ZBTB5: variants seen among roughly 807,000 people sequenced by gnomAD.
ZBTB5 encodes zinc finger and BTB domain-containing protein 5.
In ZBTB5, 15 loss-of-function variants were observed where a neutral mutation model predicts 37.9. The observed-to-expected ratio is 0.40, with a 90% CI of 0.26 to 0.61. ZBTB5 has a LOEUF of 0.61. Among genes scored for constraint, ZBTB5 ranks in the 20% least tolerant of loss-of-function variants. The probability of loss-of-function intolerance (pLI) is 0.47; values close to 1 mark genes in which losing one functional copy is unlikely to be tolerated. For missense variants in ZBTB5, 708 were observed against 856.8 expected (o/e 0.83, Z 2.17); for synonymous variants, 315 against 312.4 (o/e 1.01, Z -0.09).
chr9:37,443,517 A>G (rs1183033453), intron 1 of ZBTB5, among the ~76,000 whole-genome samples: 4 of 152,174 alleles, frequency 2.6e-5, no homozygotes, highest in Non-Finnish European at 5.9e-5. Flanking sequence ...ACAACCTAAC[A>G]TATATAAATC....
rs192330575 is a variant in ZBTB5, at chr9:37,444,475, C to T, written c.-4-1920G>A. ...CTGGCATCCCAAAGTGCTGGGATTA[C>T]AGGCATGAGCCACTGCGCCCGGCCA... is the stretch of plus-strand genomic sequence containing the variant. On this transcript the variant is annotated intron_variant, in intron 1 of 1. Coordinates refer to ENST00000307750, the MANE Select transcript of ZBTB5 (RefSeq NM_014872.3). 2.0e-5 allele frequency among the ~76,000 whole-genome samples: 3 copies of T among 152,308 alleles called. No individual in the cohort carries two copies. In the East Asian group the frequency reaches 5.8e-4, roughly 29 times the overall value.
chr9:37,458,524 G>GA (rs1353564209), intron 1 of ZBTB5, among the ~76,000 whole-genome samples: 2 of 152,174 alleles, frequency 1.3e-5, no homozygotes, highest in South Asian at 2.1e-4. Context: ...AAAAATGAAT[G>GA]AAACAAGCCT....
At chr9:37,463,733 G>C (rs1283681535) in intron 1 of ZBTB5, among the ~76,000 whole-genome samples, 3 of 152,114 alleles carry the variant, frequency 2.0e-5, no homozygotes, top group Non-Finnish European at 4.4e-5. Flanking sequence ...TTCTGCTAGA[G>C]ACATATCAAT....
rs1216697843 is a variant in ZBTB5, at chr9:37,441,348, C to G, written c.1204G>C (p.Glu402Gln). ...GAAATACTAAAAGTGGACTTATGCTCTAGGTTATTTGTGACTTCCAAAATA... is the reference window on the plus strand; with the variant it reads ...GAAATACTAAAAGTGGACTTATGCTGTAGGTTATTTGTGACTTCCAAAATA... ...IHILEVTNNL[E>Q]HKSTFSISNF... The change falls in exon 2 of 2, where the codon GAG becomes CAG. Residue 402 changes from glutamate (E) to glutamine (Q), a missense_variant. By Grantham distance (29) the Glu-to-Gln change is conservative. Around this residue, in one of 3 missense-constraint regions of ZBTB5, gnomAD observed 639 missense variants for 690.5 expected, o/e 0.93. Transcript: ENST00000307750. 1 of 1,614,138 alleles carries G rather than the reference C, an allele frequency of 6.2e-7. No homozygotes were observed. The highest frequency in any genetic ancestry group is 8.5e-7 in the Non-Finnish European group (1 of 1,180,034).
chr9:37,460,420 A>G (rs987371688), intron 1 of ZBTB5, among the ~76,000 whole-genome samples: 1 of 151,978 alleles, frequency 6.6e-6, no homozygotes, highest in Admixed American at 6.6e-5. Flanking sequence ...AGCCTGGGCA[A>G]TAAGAGTGAA....
chr9:37,457,450 G>A (rs946988491), intron 1 of ZBTB5, among the ~76,000 whole-genome samples: 1 of 152,216 alleles, frequency 6.6e-6, no homozygotes, highest in Middle Eastern at 3.4e-3. Context: ...GGCTGGTCTC[G>A]AACTCCTGGG....
Position 37,441,653 on chromosome 9 carries a change from T to C in ZBTB5, c.899A>G (p.Asp300Gly), listed in dbSNP as rs17502738. The C allele has an allele frequency of 0.18, 284,685 of 1,613,466 alleles. 27,129 individuals are homozygous for C. The highest frequency in any genetic ancestry group is 0.23 in the Middle Eastern group (1,417 of 6,060). ...ACTTTTCTCAGGTGCAGCTTCCTGA[T>C]CAAAACTAGTCTCAACCTGAGTTGC... ...SRATQVETSF[D>G]QEAAPEKSSF... The change falls in exon 2 of 2, where the codon GAT becomes GGT. Residue 300 changes from aspartate (D) to glycine (G), a missense_variant. Around this residue, in one of 3 missense-constraint regions of ZBTB5, gnomAD observed 639 missense variants for 690.5 expected, o/e 0.93. Coordinates refer to ENST00000307750, the MANE Select transcript of ZBTB5 (RefSeq NM_014872.3).
chr9:37,445,465 G>C (rs2182744), intron 1 of ZBTB5, among the ~76,000 whole-genome samples: 131,758 of 151,734 alleles, frequency 0.87, 57,546 homozygotes, highest in East Asian at 0.92. Context: ...GGCAACATGG[G>C]GCAAAACCCC....
intron 1 of ZBTB5, among the ~76,000 whole-genome samples, chr9:37,443,783 T>G (rs1823927714): frequency 6.6e-6 from 1 of 151,706 alleles, no homozygotes; most frequent in African/African-American, 2.4e-5. Context: ...ATACAAAAAA[T>G]TAGCCGGGCA....
intron 1 of ZBTB5, among the ~76,000 whole-genome samples, chr9:37,459,917 A>C (rs1368378375): frequency 6.6e-6 from 1 of 151,486 alleles, no homozygotes; most frequent in Non-Finnish European, 1.5e-5. Context: ...TCACCTTGTT[A>C]GTCAGGATGG....
At position 37,441,414 on chromosome 9, in the gene ZBTB5, A is replaced by C; in HGVS notation, c.1138T>G (p.Ser380Ala). 6.2e-7 allele frequency: 1 copy of C among 1,613,862 alleles called. No individual in the cohort carries two copies. ...CTGTCTGTGCTAGACTGGGGATCTG[A>C]AAAACTCCGATCACTGCTTTCAGGG... ...LSPESSDRSF[S>A]DPQSSTDRVG... is the part of the protein sequence containing the mutation. The change falls in exon 2 of 2, where the codon TCA (serine) becomes GCA (alanine). Residue 380 changes from serine to alanine, a missense_variant. Ser to Ala is a moderately conservative substitution (Grantham distance 99). Transcript: ENST00000307750.
rs1823899005 is a variant in ZBTB5 at position 37,442,233 on chromosome 9, G to A, written c.319C>T (p.His107Tyr). The change falls in exon 2 of 2, where the codon CAT (histidine) becomes TAT (tyrosine). Residue 107 changes from histidine (H) to tyrosine (Y), a missense_variant. By Grantham distance (83) the His-to-Tyr change is moderately conservative (BLOSUM62 2). Transcript: ENST00000307750. ...MDVLLAASHL[H>Y]LNSVVKACKH... ...CATGCCTTAACAACAGAGTTCAAAT[G>A]CAGGTGAGAGGCTGCCAATAAGACA... The A allele has an allele frequency of 6.2e-7, 1 of 1,614,128 alleles. No homozygotes were observed. Among genetic ancestry groups the A allele is most frequent in the African/African-American group, 1.3e-5 (1 of 74,944 alleles).
At chr9:37,442,932 A>G (rs924138791) in intron 1 of ZBTB5, among the ~76,000 whole-genome samples, 17 of 152,260 alleles carry the variant, frequency 1.1e-4, no homozygotes, top group Admixed American at 5.2e-4. Flanking sequence ...AAGAAATTCC[A>G]AAGTCTTAGG....
intron 1 of ZBTB5, among the ~76,000 whole-genome samples, chr9:37,462,446 G>C (rs1824311263): frequency 6.6e-6 from 1 of 152,098 alleles, no homozygotes; most frequent in Non-Finnish European, 1.5e-5. Flanking sequence ...TTCCCATTTG[G>C]CATGCTTTCC....
At position 37,440,999 on chromosome 9, in the gene ZBTB5, GAGA is replaced by G; in HGVS notation, c.1550_1552del (p.Phe517del). On this transcript the variant is annotated inframe_deletion, in exon 2 of 2. Coordinates refer to ENST00000307750, the MANE Select transcript of ZBTB5 (RefSeq NM_014872.3). ...CCTTGGGGAACCTATCATTACCCTG[GAGA>G]AGGAGGAGTGGAGGCCCAAACCAGA... 6.2e-7 allele frequency: 1 copy of G among 1,614,180 alleles called. No homozygotes were observed. The highest frequency in any genetic ancestry group is 8.5e-7 in the Non-Finnish European group (1 of 1,180,026).
In ZBTB5 at chr9:37,465,381, G is replaced by T. The variant is rs1039935901; in HGVS notation, c.-171C>A. 2 of 112,932 alleles carry T rather than the reference G, an allele frequency of 1.8e-5. No individual in the cohort carries two copies. The highest frequency in any genetic ancestry group is 1.1e-4 in the Admixed American group (1 of 8,994). The allele number at this position is 112,932 out of a possible 1,614,324, so 7.0% of individuals were successfully genotyped here. On this transcript the variant is annotated 5_prime_UTR_variant, in exon 1 of 2. Coordinates refer to ENST00000307750, the MANE Select transcript of ZBTB5 (RefSeq NM_014872.3). ...CTCCCACCCCGCCTCTAGTCCCCTA[G>T]CTCCTCCAGCCAGTTCGCCGCAGCA...
intron 1 of ZBTB5, among the ~76,000 whole-genome samples, chr9:37,443,179 GTC>G (rs1242432774): frequency 1.4e-4 from 22 of 151,942 alleles, no homozygotes; most frequent in Admixed American, 2.6e-4. Flanking sequence ...ATGAAACCCT[GTC>G]TCTACTAAAA....
chr9:37,455,792 A>C (rs1824176588), intron 1 of ZBTB5, among the ~76,000 whole-genome samples: 1 of 152,146 alleles, frequency 6.6e-6, no homozygotes. Flanking sequence ...AGATGAAAAC[A>C]AAAGTCAGAG....
In ZBTB5 at chr9:37,459,368, A is replaced by G. The variant is rs560629700; in HGVS notation, c.-5+5847T>C. Among the ~76,000 whole-genome samples, 294 of 151,922 alleles carry G rather than the reference A, an allele frequency of 1.9e-3. 2 individuals carry two copies. The highest frequency in any genetic ancestry group is 6.8e-3 in the African/African-American group (280 of 41,472). On this transcript the variant is annotated intron_variant, in intron 1 of 1. Transcript: ENST00000307750. ...CCAGCTACTCGGGAGGCTGAGGCAG[A>G]AGAATCGCTTGAACCTGGGAGGCAG... is the stretch of plus-strand genomic sequence containing the variant.
Sources: gnomAD v4.1 joint callset for allele counts (sites outside exome capture counted in the v4.1 genomes callset) on GRCh38, gnomAD v4.1.1 for gene constraint, gnomAD v4.1.1 regional missense constraint, MANE v1.5 for transcripts, NCBI Gene and HGNC (gene_info 2026-07-23, HGNC 2026-07-21) for gene names.